Variants in ADAMTSL1 observed in about 807,000 individuals in gnomAD.
ADAMTSL1 encodes the protein ADAMTS-like protein 1.
In ADAMTSL1, 126 loss-of-function variants were observed where a neutral mutation model predicts 201.8. The ratio of observed to expected loss-of-function variants is 0.62; its 90% confidence interval spans 0.54 to 0.72. The LOEUF (loss-of-function observed/expected upper bound fraction) is 0.72, where lower values mean the gene tolerates loss of function less well. Among genes scored for constraint, ADAMTSL1 ranks in the 30% least tolerant of loss-of-function variants. The pLI is 0.00. For missense variants in ADAMTSL1, 2,679 were observed against 2,277.8 expected, an observed-to-expected ratio of 1.18 and a Z score of -3.59; for synonymous variants, 1,121 against 903.4, an observed-to-expected ratio of 1.24 and a Z score of -4.32.
chr9:18,297,866 C>T (rs914982944), intron 2 of ADAMTSL1, among the ~76,000 whole-genome samples: 1 of 152,210 alleles, frequency 6.6e-6, no homozygotes, highest in Non-Finnish European at 1.5e-5. Flanking sequence ...ACCCTTTGAA[C>T]CGCAGCAAAA....
intron 2 of ADAMTSL1, among the ~76,000 whole-genome samples, chr9:18,262,032 AT>A (rs1363105293): frequency 6.6e-6 from 1 of 152,242 alleles, no homozygotes; most frequent in African/African-American, 2.4e-5. Context: ...GTAACTAGAC[AT>A]GCCGGGACTT....
chr9:18,904,866 T>C (rs1333040770), intron 26 of ADAMTSL1, among the ~76,000 whole-genome samples: 1 of 151,670 alleles, frequency 6.6e-6, no homozygotes, highest in Non-Finnish European at 1.5e-5. Flanking sequence ...AGAGAGCTAC[T>C]TTTACCTTAA....
rs1039354385 is a variant in ADAMTSL1, at chr9:18,160,925, C to T, written c.88-2937C>T. Among the ~76,000 whole-genome samples the T allele has an allele frequency of 5.3e-5, 8 of 149,616 alleles. 1 individual carries two copies. Among genetic ancestry groups the T allele is most frequent in the African/African-American group, 2.0e-4 (8 of 40,558 alleles). On this transcript the variant is annotated intron_variant, in intron 1 of 29. Coordinates refer to the ADAMTSL1 transcript ENST00000680146. ...CTGGTCTGGAATTCCTAAGCTCAAGCATTCCTCGTGCCTCAGCCTCTCAAA... is the reference window on the plus strand; with the variant it reads ...CTGGTCTGGAATTCCTAAGCTCAAGTATTCCTCGTGCCTCAGCCTCTCAAA...
At chr9:18,382,648 T>C (rs1044898952) in intron 2 of ADAMTSL1, among the ~76,000 whole-genome samples, 16 of 151,936 alleles carry the variant, frequency 1.1e-4, no homozygotes, top group Admixed American at 2.0e-4. Context: ...TGTTTAGAGG[T>C]ATGTTAATGG....
chr9:18,634,408 C>T (rs575781410), intron 5 of ADAMTSL1, among the ~76,000 whole-genome samples: 21 of 151,936 alleles, frequency 1.4e-4, no homozygotes, highest in African/African-American at 5.1e-4. Flanking sequence ...TACAAAATTA[C>T]AAAAACCATC....
At chr9:17,953,932 C>A (rs544397043) in intron 1 of ADAMTSL1, among the ~76,000 whole-genome samples, 1 of 152,228 alleles carries the variant, frequency 6.6e-6, no homozygotes, top group Non-Finnish European at 1.5e-5. Context: ...TGGCTGGTCC[C>A]CTTGAAGGGT....
At position 18,435,628 on chromosome 9, in the gene ADAMTSL1, C is replaced by T. The variant is rs148402522; in HGVS notation, c.208-69201C>T. On this transcript the variant is annotated intron_variant, in intron 2 of 29. Coordinates refer to the ADAMTSL1 transcript ENST00000680146. ...AAGTGAACTGGACCTTTGAAGAGAT[C>T]TGTGAGGCCAGGACAGAGAGCAGAG... Among the ~76,000 whole-genome samples the T allele has an allele frequency of 3.5e-3, 528 of 152,298 alleles. 1 individual carries two copies. Among genetic ancestry groups the T allele is most frequent in the African/African-American group, 0.012 (506 of 41,556 alleles).
In ADAMTSL1 at chr9:17,994,092, G is replaced by T. The variant is rs185184256; in HGVS notation, c.87+87170G>T. ...CCACCTCGGCAGACAGAATCTCATT[G>T]TGTGTGTGTGTGTGTGTGTGTGTGT... On this transcript the variant is annotated intron_variant, in intron 1 of 29. Coordinates refer to the ADAMTSL1 transcript ENST00000680146. Among the ~76,000 whole-genome samples the T allele has an allele frequency of 6.7e-4, 95 of 141,628 alleles. No homozygotes were observed. In the South Asian group the frequency reaches 8.5e-3, roughly 13 times the overall value. 92.9% of individuals were successfully genotyped at this position (141,628 alleles called of 152,430 possible).
At chr9:17,967,670 C>A (rs1011496243) in intron 1 of ADAMTSL1, among the ~76,000 whole-genome samples, 6 of 152,060 alleles carry the variant, frequency 3.9e-5, no homozygotes, top group Non-Finnish European at 8.8e-5. Flanking sequence ...TAGTTTGCTT[C>A]TTATATCTCA....
intron 2 of ADAMTSL1, among the ~76,000 whole-genome samples, chr9:18,278,174 A>G (rs1407857706): frequency 6.6e-6 from 1 of 152,194 alleles, no homozygotes; most frequent in Admixed American, 6.5e-5. Context: ...TTTTATAAGA[A>G]TCAAAAGGTA....
chr9:18,267,762 T>TAAAAAAAAAAAAAAAAAAA, intron 2 of ADAMTSL1, among the ~76,000 whole-genome samples: 1 of 125,288 alleles, frequency 8.0e-6, no homozygotes, highest in South Asian at 2.5e-4. Context: ...CAAAGGCTAT[T>TAAAAAAAAAAAAAAAAAAA]AAAAAAAAAA....
At chr9:18,151,806 C>CT (rs542133766) in intron 1 of ADAMTSL1, among the ~76,000 whole-genome samples, 2 of 152,000 alleles carry the variant, frequency 1.3e-5, no homozygotes, top group African/African-American at 2.4e-5. Flanking sequence ...ATATGCTGTG[C>CT]TTTTTTTGTT....
chr9:18,531,613 T>C (rs1202570098), intron 2 of ADAMTSL1, among the ~76,000 whole-genome samples: 1 of 152,238 alleles, frequency 6.6e-6, no homozygotes, highest in Non-Finnish European at 1.5e-5. Flanking sequence ...ATAATTGTGT[T>C]GTCAGATGAC....
intron 1 of ADAMTSL1, among the ~76,000 whole-genome samples, chr9:18,157,203 C>G (rs1229006462): frequency 1.3e-5 from 2 of 152,034 alleles, no homozygotes; most frequent in Non-Finnish European, 2.9e-5. Context: ...CAGTGCATGC[C>G]CGCTGATAAA....
At chr9:18,630,982 A>G (rs1311195702) in intron 5 of ADAMTSL1, among the ~76,000 whole-genome samples, 2 of 152,134 alleles carry the variant, frequency 1.3e-5, no homozygotes, top group Non-Finnish European at 2.9e-5. Context: ...TCATTTTGTG[A>G]GTTTGATACT....
intron 1 of ADAMTSL1, among the ~76,000 whole-genome samples, chr9:17,991,861 C>T (rs866899305): frequency 8.5e-5 from 13 of 152,208 alleles, no homozygotes; most frequent in East Asian, 1.9e-4. Context: ...CATTTTCCCT[C>T]GGGGGTGCTT....
chr9:18,808,162 A>T lies in ADAMTSL1; in HGVS notation c.3806-8947A>T, dbSNP rs111472885. ...AAGAAAAACTAAAAGAGTACAATGT[A>T]TTGAATATCAAACCTGCCTCCATAA... On this transcript the variant is annotated intron_variant, in intron 20 of 28. Coordinates refer to ENST00000380548, the MANE Select transcript of ADAMTSL1 (RefSeq NM_001040272.6). Among the ~76,000 whole-genome samples the T allele has an allele frequency of 5.9e-3, 901 of 152,322 alleles. 11 individuals are homozygous for T. The highest frequency in any genetic ancestry group is 0.02 in the African/African-American group (845 of 41,562).
intron 20 of ADAMTSL1, among the ~76,000 whole-genome samples, chr9:18,797,704 T>C (rs550175952): frequency 6.6e-6 from 1 of 152,310 alleles, no homozygotes; most frequent in Non-Finnish European, 1.5e-5. Context: ...TATAACCTCA[T>C]TGAGTCTCTG....
At chr9:18,303,455 T>C (rs74468937) in intron 2 of ADAMTSL1, among the ~76,000 whole-genome samples, 2,541 of 152,290 alleles carry the variant, frequency 0.017, 70 homozygotes, top group African/African-American at 0.058. Context: ...AAGCTGTTCC[T>C]TCTGGCAGCA....
Sources: gnomAD v4.1 joint callset for allele counts (sites outside exome capture counted in the v4.1 genomes callset) on GRCh38, gnomAD v4.1.1 for gene constraint, MANE v1.5 for transcripts, NCBI Gene and HGNC (gene_info 2026-07-23, HGNC 2026-07-21) for gene names.